Variants in CPAMD8 observed in about 807,000 individuals in gnomAD.
CPAMD8 encodes C3 and PZP like alpha-2-macroglobulin domain containing 8, also known as C3 and PZP-like alpha-2-macroglobulin domain-containing protein 8.
A neutral mutation model predicts 224.7 loss-of-function variants in CPAMD8; 146 were observed. That is an observed-to-expected ratio of 0.65 (90% CI 0.57 to 0.75). CPAMD8 has a LOEUF of 0.75. CPAMD8 is among the 30% of genes least tolerant of loss of function. The probability of loss-of-function intolerance (pLI) is 0.00; values close to 1 mark genes in which losing one functional copy is unlikely to be tolerated. For missense variants in CPAMD8, 2,301 were observed against 2,537.5 expected (o/e 0.91, Z 2.00); for synonymous variants, 966 against 1,044.6 (o/e 0.92, Z 1.45).
chr19:16,903,434 T>C (rs1483998545), intron 34 of CPAMD8, 127 bp downstream of exon 34: 34 of 1,383,190 alleles, frequency 2.5e-5, no homozygotes, highest in Middle Eastern at 5.1e-4. Context: ...TGAAAACCTG[T>C]CCTGCAGTCT....
intron 26 of CPAMD8, 80 bp downstream of exon 26, chr19:16,925,116 C>T: frequency 3.4e-6 from 5 of 1,485,768 alleles, no homozygotes; most frequent in Non-Finnish European, 4.7e-6. Flanking sequence ...TGTGGGCCAC[C>T]TCCAGCGTGG....
intron 23 of CPAMD8, among the ~76,000 whole-genome samples, chr19:16,930,814 A>C (rs2144976906): frequency 6.6e-6 from 1 of 152,236 alleles, no homozygotes; most frequent in South Asian, 2.1e-4. Context: ...TCGAGATCCT[A>C]GCCACTGCCA....
At chr19:16,901,702 G>A (rs988365397) in intron 35 of CPAMD8, among the ~76,000 whole-genome samples, 3 of 152,054 alleles carry the variant, frequency 2.0e-5, no homozygotes, top group Non-Finnish European at 2.9e-5. Flanking sequence ...CCCTAGCTCC[G>A]GCCTCAGTTT....
chr19:16,971,818 G>A (rs1483414820), intron 17 of CPAMD8, among the ~76,000 whole-genome samples: 2 of 152,162 alleles, frequency 1.3e-5, no homozygotes, highest in Non-Finnish European at 2.9e-5. Flanking sequence ...AGGCCGAGGT[G>A]GGCGGATCAC....
intron 29 of CPAMD8, among the ~76,000 whole-genome samples, chr19:16,908,773 T>C (rs925803541): frequency 2.0e-5 from 3 of 152,156 alleles, no homozygotes; most frequent in Non-Finnish European, 4.4e-5. Flanking sequence ...AGATGCCCTT[T>C]GGGAGGCATG....
rs2055326374 is a variant in CPAMD8, at chr19:16,977,532, G to C, written c.1594C>G (p.Pro532Ala). 6.3e-7 allele frequency: 1 copy of C among 1,595,268 alleles called. No individual in the cohort carries two copies. The highest frequency in any genetic ancestry group is 1.4e-5 in the African/African-American group (1 of 73,774). Residue 532 changes from proline to alanine, a missense_variant, in exon 15 of 42, where the codon CCA becomes GCA. Physicochemically the swap from Pro to Ala is conservative, Grantham distance 27 (BLOSUM62 -1). Coordinates refer to ENST00000443236, the MANE Select transcript of CPAMD8 (RefSeq NM_015692.5). ...ACGTCGACCTCAGCTTCTGGGGCTG[G>C]TGGGGGCTCTGAGGTGAGCAAAAGT... ...LTHLSETEPP[P>A]APEAEVDVCV... is the part of the protein sequence containing the mutation.
At chr19:16,999,407 C>T (rs888994718) in intron 10 of CPAMD8, among the ~76,000 whole-genome samples, 6 of 151,702 alleles carry the variant, frequency 4.0e-5, no homozygotes, top group Non-Finnish European at 5.9e-5. Context: ...AGTGAAACCC[C>T]GTCTCTACTA....
intron 23 of CPAMD8, among the ~76,000 whole-genome samples, chr19:16,932,962 T>C (rs2053588025): frequency 6.6e-6 from 1 of 152,158 alleles, no homozygotes; most frequent in African/African-American, 2.4e-5. Context: ...TTTTTTCCAG[T>C]GTGGTTGGAC....
chr19:16,971,012 T>C lies in CPAMD8; in HGVS notation c.2092A>G (p.Thr698Ala). ...AFTETGLVVM[T>A]DRVSLNHRQD... ...CGGTGGTTCAGGCTCACTCGGTCGG[T>C]CATCACCACCAGTCCCGTTTCCTAG... Residue 698 changes from threonine (T) to alanine (A), a missense_variant, in exon 18 of 42, where the codon ACC becomes GCC. Around this residue, in one of 4 missense-constraint regions of CPAMD8, gnomAD observed 1,709 missense variants for 1,753.2 expected, o/e 0.97. Coordinates refer to ENST00000443236, the MANE Select transcript of CPAMD8 (RefSeq NM_015692.5). 2.5e-6 allele frequency: 4 copies of C among 1,610,116 alleles called. No homozygotes were observed. The highest frequency in any genetic ancestry group is 3.4e-6 in the Non-Finnish European group (4 of 1,178,144).
chr19:16,920,385 C>T (rs1599702344), intron 27 of CPAMD8, among the ~76,000 whole-genome samples: 1 of 152,168 alleles, frequency 6.6e-6, no homozygotes, highest in African/African-American at 2.4e-5. Context: ...GAGGCTGAGG[C>T]AGGAGAATGG....
In CPAMD8 at chr19:17,026,669, C is replaced by T. The variant is rs2057092344; in HGVS notation, c.-27G>A. ...TTTCGGCTCCTGGGGGGCGCCGCGCCTGGGGAGGGGGCCGGGCCAGGGCTG... is the reference window on the plus strand; with the variant it reads ...TTTCGGCTCCTGGGGGGCGCCGCGCTTGGGGAGGGGGCCGGGCCAGGGCTG... On this transcript the variant is annotated 5_prime_UTR_variant, in exon 1 of 42. Transcript: ENST00000443236. 7.2e-7 allele frequency: 1 copy of T among 1,389,742 alleles called. No individual in the cohort carries two copies. Among genetic ancestry groups the T allele is most frequent in the Non-Finnish European group, 9.3e-7 (1 of 1,077,388 alleles). 86.1% of individuals were successfully genotyped at this position (1,389,742 alleles called of 1,614,324 possible).
In CPAMD8 at chr19:16,998,252, G is replaced by A. The variant is rs1236938937; in HGVS notation, c.868-914C>T. The stretch of plus-strand genomic sequence containing the variant: ...GCAGCGGCAGATCACTTGAGGTCAG[G>A]AGTTCAAGACCAGCCTGGCCAACAT... On this transcript the variant is annotated intron_variant, in intron 10 of 41. Coordinates refer to ENST00000443236, the MANE Select transcript of CPAMD8 (RefSeq NM_015692.5). 2.0e-5 allele frequency among the ~76,000 whole-genome samples: 3 copies of A among 152,206 alleles called. No homozygotes were observed. In the South Asian group the frequency reaches 6.2e-4, roughly 31 times the overall value.
intron 22 of CPAMD8, among the ~76,000 whole-genome samples, chr19:16,943,800 C>G (rs1275671309): frequency 6.6e-6 from 1 of 152,160 alleles, no homozygotes; most frequent in African/African-American, 2.4e-5. Flanking sequence ...CACCAACACT[C>G]TCATTTAACC....
intron 3 of CPAMD8, among the ~76,000 whole-genome samples, 188 bp from the exon 4 acceptor site, chr19:17,011,945 TCACTTGAG>T (rs2056665763): frequency 6.6e-6 from 1 of 152,134 alleles, no homozygotes; most frequent in Non-Finnish European, 1.5e-5. Context: ...ATTGCTACTG[TCACTTGAG>T]AGGGGAATAG....
Position 17,011,449 on chromosome 19 carries a change from A to G in CPAMD8, c.486+15T>C, listed in dbSNP as rs2056646005. 6.2e-7 allele frequency: 1 copy of G among 1,614,100 alleles called. No individual in the cohort carries two copies. The highest frequency in any genetic ancestry group is 1.7e-5 in the Admixed American group (1 of 60,000). On this transcript the variant is annotated intron_variant, in intron 5 of 41. Coordinates refer to ENST00000443236, the MANE Select transcript of CPAMD8 (RefSeq NM_015692.5). ...GGGTGCACTCCGGGCCCGCGGTTTT[A>G]GAAGCTGATCTCACCTTCTCGTTGA...
At position 16,999,500 on chromosome 19, in the gene CPAMD8, G is replaced by T. The variant is rs544244708; in HGVS notation, c.867+914C>A. 9.2e-5 allele frequency among the ~76,000 whole-genome samples: 14 copies of T among 151,404 alleles called. No homozygotes were observed. In the South Asian group the frequency reaches 1.0e-3, roughly 11 times the overall value. ...CTGGGGAGGCTGAGGCAGGAGAATG[G>T]CATGAACCCAGGAGGCGGAGCTTGC... On this transcript the variant is annotated intron_variant, in intron 10 of 41. Coordinates refer to ENST00000443236, the MANE Select transcript of CPAMD8 (RefSeq NM_015692.5).
At chr19:16,987,168 AAAAAAAAAAAAAT>A (rs1444196964) in intron 13 of CPAMD8, among the ~76,000 whole-genome samples, 14 of 103,552 alleles carry the variant, frequency 1.4e-4, no homozygotes, top group South Asian at 6.0e-4. Context: ...AAAAAAAAAA[AAAAAAAAAAAAAT>A]ATATATATAT....
intron 13 of CPAMD8, among the ~76,000 whole-genome samples, chr19:16,985,294 G>C (rs933822385): frequency 6.6e-6 from 1 of 151,760 alleles, no homozygotes; most frequent in Non-Finnish European, 1.5e-5. Flanking sequence ...ATGGATGAAG[G>C]GTGCATGTAT....
chr19:16,957,782 GCT>G, intron 19 of CPAMD8, 69 bp downstream of exon 19: 1 of 1,445,866 alleles, frequency 6.9e-7, no homozygotes, highest in Non-Finnish European at 9.7e-7. Flanking sequence ...CTCACCGGAG[GCT>G]CTCTGGACCC....
Sources: gnomAD v4.1 joint callset for allele counts (sites outside exome capture counted in the v4.1 genomes callset) on GRCh38, gnomAD v4.1.1 for gene constraint, gnomAD v4.1.1 regional missense constraint, MANE v1.5 for transcripts, NCBI Gene and HGNC (gene_info 2026-07-23, HGNC 2026-07-21) for gene names.